OXR1: variants seen among roughly 807,000 people sequenced by gnomAD.
OXR1 encodes the protein oxidation resistance protein 1.
OXR1 carries 41 observed loss-of-function variants against 104.6 expected under a neutral mutation model. The observed-to-expected ratio is 0.39, with a 90% CI of 0.31 to 0.51. The LOEUF (loss-of-function observed/expected upper bound fraction) is 0.51. Ranked by LOEUF, OXR1 falls within the 20% of genes least tolerant of loss-of-function variation. OXR1 has a pLI of 0.77. For missense variants in OXR1, 955 were observed against 1,031.9 expected (o/e 0.93, Z 1.02); for synonymous variants, 348 against 348.4 (o/e 1.00, Z 0.01).
intron 8 of OXR1, among the ~76,000 whole-genome samples, chr8:106,704,411 T>C (rs1346015260): frequency 7.4e-5 from 9 of 122,376 alleles, no homozygotes; most frequent in Middle Eastern, 4.3e-3. Context: ...TTTTTTTTTT[T>C]TTTTTTTTTT....
chr8:106,488,286 T>A (rs1475216302), intron 2 of OXR1, among the ~76,000 whole-genome samples: 1 of 135,350 alleles, frequency 7.4e-6, no homozygotes, highest in Non-Finnish European at 1.6e-5. Context: ...TTTTTTCTTG[T>A]AAATTTGTTT....
chr8:106,280,637 A>G (rs1812241803), intron 1 of OXR1, among the ~76,000 whole-genome samples: 2 of 152,152 alleles, frequency 1.3e-5, no homozygotes, highest in South Asian at 4.1e-4. Context: ...AGGTGAAAAG[A>G]CTACTGGAGA....
chr8:106,731,844 T>C (rs776968), intron 11 of OXR1, among the ~76,000 whole-genome samples: 20,052 of 152,180 alleles, frequency 0.13, 1,592 homozygotes, highest in Non-Finnish European at 0.18. Flanking sequence ...CCAACTTTGT[T>C]CTTTTTCTTC....
At chr8:106,273,525 T>C (rs1388117197) in intron 1 of OXR1, among the ~76,000 whole-genome samples, 1 of 152,222 alleles carries the variant, frequency 6.6e-6, no homozygotes, top group Non-Finnish European at 1.5e-5. Context: ...GCTGTGAACA[T>C]TCTACAATAA....
intron 3 of OXR1, chr8:106,580,933 T>C: frequency 7.2e-6 from 7 of 976,442 alleles, no homozygotes; most frequent in Non-Finnish European, 8.5e-6. Flanking sequence ...AGTAAATGAA[T>C]GACTTGCTCT....
At chr8:106,696,996 G>A (rs1313549692) in intron 7 of OXR1, among the ~76,000 whole-genome samples, 4 of 152,164 alleles carry the variant, frequency 2.6e-5, no homozygotes, top group South Asian at 4.1e-4. Flanking sequence ...CACAGCTGTG[G>A]GAGAAGCATA....
At chr8:106,664,195 T>C (rs2131107619) in intron 3 of OXR1, among the ~76,000 whole-genome samples, 1 of 152,322 alleles carries the variant, frequency 6.6e-6, no homozygotes, top group East Asian at 1.9e-4. Context: ...TCTCACAGGA[T>C]AGCTGATAGG....
chr8:106,596,485 G>A (rs1272067343), intron 3 of OXR1, among the ~76,000 whole-genome samples: 1 of 152,022 alleles, frequency 6.6e-6, no homozygotes, highest in Non-Finnish European at 1.5e-5. Flanking sequence ...CTGCCATCAA[G>A]GAGCTTACAA....
rs565355960 is a variant in OXR1, at chr8:106,702,793, G to A, written c.676-113G>A. The A allele has an allele frequency of 4.0e-5, 31 of 772,452 alleles. No homozygotes were observed. The South Asian group carries it at 7.5e-4, about 19-fold the overall frequency. 47.8% of individuals were successfully genotyped at this position (772,452 alleles called of 1,614,324 possible). Reference sequence around the variant, plus strand: ...TTCATGAGAATGCCACAGTTCCTGAGTGTACTATTTTTATATATGGCCTAA... The same window carrying A: ...TTCATGAGAATGCCACAGTTCCTGAATGTACTATTTTTATATATGGCCTAA... On this transcript the variant is annotated intron_variant, in intron 7 of 16. Transcript: ENST00000517566.
intron 1 of OXR1, among the ~76,000 whole-genome samples, chr8:106,322,375 C>T (rs1262441879): frequency 6.6e-6 from 1 of 152,156 alleles, no homozygotes; most frequent in Non-Finnish European, 1.5e-5. Flanking sequence ...TCCCAGTAAG[C>T]TGGGTATTGA....
At chr8:106,323,808 A>G (rs1361878031) in intron 1 of OXR1, among the ~76,000 whole-genome samples, 1 of 152,222 alleles carries the variant, frequency 6.6e-6, no homozygotes, top group Non-Finnish European at 1.5e-5. Flanking sequence ...AACCACAATG[A>G]GATACCATCT....
intron 1 of OXR1, among the ~76,000 whole-genome samples, chr8:106,319,376 A>G (rs1415797631): frequency 6.6e-6 from 1 of 152,240 alleles, no homozygotes; most frequent in East Asian, 1.9e-4. Context: ...AGCCCATTTC[A>G]GACTGATTAT....
intron 3 of OXR1, among the ~76,000 whole-genome samples, chr8:106,581,695 T>G (rs1818233617): frequency 6.6e-6 from 1 of 151,914 alleles, no homozygotes; most frequent in Admixed American, 6.6e-5. Flanking sequence ...CATATTGAGA[T>G]TCTTAAAAAA....
intron 2 of OXR1, among the ~76,000 whole-genome samples, chr8:106,368,328 C>T (rs1816564475): frequency 6.6e-6 from 1 of 152,024 alleles, no homozygotes; most frequent in African/African-American, 2.4e-5. Context: ...CATTATTATA[C>T]ATTTTAAGAG....
intron 3 of OXR1, among the ~76,000 whole-genome samples, chr8:106,573,794 C>G (rs1817642271): frequency 1.3e-5 from 2 of 152,096 alleles, no homozygotes; most frequent in Admixed American, 1.3e-4. Flanking sequence ...TATTTGGACA[C>G]TAGAATGGGA....
chr8:106,529,182 A>G (rs769191509), intron 3 of OXR1, among the ~76,000 whole-genome samples: 5 of 152,326 alleles, frequency 3.3e-5, no homozygotes, highest in Middle Eastern at 3.4e-3. Context: ...TGAGGATATC[A>G]AGATTTCAAG....
At chr8:106,270,444 C>G (rs1331595168) in intron 1 of OXR1, 77 bp downstream of exon 1, 1 of 152,430 alleles carries the variant, frequency 6.6e-6, no homozygotes, top group Non-Finnish European at 1.5e-5. Flanking sequence ...GCGAGAGGCG[C>G]GGCTGGCGCC....
chr8:106,699,150 G>A (rs1395056268), intron 7 of OXR1, among the ~76,000 whole-genome samples: 6 of 152,122 alleles, frequency 3.9e-5, no homozygotes, highest in African/African-American at 7.2e-5. Context: ...TAAGTATTCT[G>A]AGGCTTTGTA....
intron 3 of OXR1, among the ~76,000 whole-genome samples, chr8:106,650,938 T>C (rs1824518375): frequency 2.6e-5 from 4 of 152,246 alleles, no homozygotes. Flanking sequence ...TGTCATATTG[T>C]ATTTAATCAT....
Sources: allele counts gnomAD v4.1 joint callset (sites outside exome capture counted in the v4.1 genomes callset), GRCh38; gene constraint gnomAD v4.1.1; transcripts MANE v1.5; gene names NCBI Gene and HGNC (gene_info 2026-07-23, HGNC 2026-07-21).